CHN1: variants seen among roughly 807,000 people sequenced by gnomAD.
The protein encoded by CHN1 is chimerin 1.
A neutral mutation model predicts 59.5 loss-of-function variants in CHN1; 37 were observed. The ratio of observed to expected loss-of-function variants is 0.62; its 90% CI spans 0.48 to 0.82. The LOEUF (loss-of-function observed/expected upper bound fraction) is 0.82. CHN1 is among the 40% of genes least tolerant of loss of function. The probability of loss-of-function intolerance (pLI) is 0.00; values close to 1 mark genes in which losing one functional copy is unlikely to be tolerated. For synonymous variants in CHN1, 206 were observed against 200.4 expected, an observed-to-expected ratio of 1.03 and a Z score of -0.24; for missense variants, 469 against 571.0, an observed-to-expected ratio of 0.82 and a Z score of 1.82.
At chr2:174,847,779 A>C (rs1480966999) in intron 6 of CHN1, 1 of 363,584 alleles carries the variant, frequency 2.8e-6, no homozygotes. Flanking sequence ...AAGGCAAAAA[A>C]AAAAAAAAAA....
intron 1 of CHN1, among the ~76,000 whole-genome samples, chr2:174,985,048 A>C (rs1251245395): frequency 6.6e-6 from 1 of 152,140 alleles, no homozygotes; most frequent in Non-Finnish European, 1.5e-5. Flanking sequence ...TTATTCTATG[A>C]TATGTCTTTG....
chr2:174,812,021 G>A (rs1685093847), intron 9 of CHN1: 1 of 302,036 alleles, frequency 3.3e-6, no homozygotes. Context: ...TTTAAAAACT[G>A]AAAAATGAAT....
chr2:174,952,248 TA>T, intron 1 of CHN1, 46 bp from the exon 2 acceptor site: 1 of 1,102,792 alleles, frequency 9.1e-7, no homozygotes, highest in Admixed American at 3.6e-5. Flanking sequence ...ATTTAAATTT[TA>T]AATGAGACAT....
chr2:174,834,532 T>A (rs1000387205), intron 7 of CHN1, among the ~76,000 whole-genome samples: 1 of 152,232 alleles, frequency 6.6e-6, no homozygotes, highest in African/African-American at 2.4e-5. Flanking sequence ...TTGCTAAATA[T>A]AGGATTCAAG....
At chr2:174,832,288 T>C (rs1197837173) in intron 7 of CHN1, among the ~76,000 whole-genome samples, 1 of 151,958 alleles carries the variant, frequency 6.6e-6, no homozygotes, top group Non-Finnish European at 1.5e-5. Flanking sequence ...AAAAATTCTG[T>C]TTTTCTTCTT....
chr2:174,911,084 T>C (rs760406936), intron 5 of CHN1, among the ~76,000 whole-genome samples: 2 of 152,098 alleles, frequency 1.3e-5, no homozygotes, highest in Non-Finnish European at 2.9e-5. Flanking sequence ...ACTCAACGAA[T>C]GGGTCTAACA....
chr2:174,907,431 T>C (rs1012960121), intron 5 of CHN1, among the ~76,000 whole-genome samples: 1 of 152,206 alleles, frequency 6.6e-6, no homozygotes, highest in Non-Finnish European at 1.5e-5. Flanking sequence ...CAGAGGCCTC[T>C]ATGACTTTTC....
At chr2:174,817,429 ACT>A (rs1558936182) in intron 8 of CHN1, among the ~76,000 whole-genome samples, 2 of 151,306 alleles carry the variant, frequency 1.3e-5, no homozygotes. Flanking sequence ...TTTGGTATTG[ACT>A]TTTTTCCTTT....
chr2:174,934,247 T>C lies in CHN1; in HGVS notation c.114+10641A>G, dbSNP rs186370366. Reference sequence around the variant, plus strand: ...AGCTTGTTTTCTTGCAACTAGACAGTCTCATCTGGGGGTAATGGGAGACAG... The same window carrying C: ...AGCTTGTTTTCTTGCAACTAGACAGCCTCATCTGGGGGTAATGGGAGACAG... On this transcript the variant is annotated intron_variant, in intron 3 of 12. Transcript: ENST00000409900. Among the ~76,000 whole-genome samples, 42 of 152,316 alleles carry C rather than the reference T, an allele frequency of 2.8e-4. No individual in the cohort carries two copies. The East Asian group carries it at 7.7e-3, about 28-fold the overall frequency.
chr2:174,816,283 C>T (rs1288381734), intron 8 of CHN1, among the ~76,000 whole-genome samples: 1 of 152,160 alleles, frequency 6.6e-6, no homozygotes, highest in African/African-American at 2.4e-5. Context: ...CCAGTTTCTG[C>T]AAGGCAGGAA....
chr2:174,926,916 C>A (rs1689181791), intron 3 of CHN1, among the ~76,000 whole-genome samples: 1 of 152,090 alleles, frequency 6.6e-6, no homozygotes, highest in South Asian at 2.1e-4. Context: ...CGCCACCACG[C>A]CCAGCTAATT....
chr2:174,885,112 C>A (rs931694963), intron 5 of CHN1, among the ~76,000 whole-genome samples: 1 of 150,422 alleles, frequency 6.6e-6, no homozygotes, highest in Non-Finnish European at 1.5e-5. Flanking sequence ...ATGGTGAAAC[C>A]CCATCTCTAC....
intron 2 of CHN1, among the ~76,000 whole-genome samples, chr2:174,947,551 CAT>C (rs1156431785): frequency 4.7e-5 from 7 of 150,410 alleles, no homozygotes; most frequent in African/African-American, 1.7e-4. Flanking sequence ...GTGGCACACA[CAT>C]GACTCACTGC....
intron 6 of CHN1, among the ~76,000 whole-genome samples, chr2:174,856,180 T>TATA (rs891347633): frequency 5.3e-5 from 8 of 152,202 alleles, no homozygotes; most frequent in Non-Finnish European, 1.0e-4. Flanking sequence ...ATCAGAACTC[T>TATA]ATAAATTCCT....
At chr2:174,899,049 G>A (rs1688305996) in intron 5 of CHN1, among the ~76,000 whole-genome samples, 1 of 152,162 alleles carries the variant, frequency 6.6e-6, no homozygotes, top group African/African-American at 2.4e-5. Flanking sequence ...CTCCTTGGCT[G>A]TCAGTAGGAC....
chr2:174,841,199 T>C (rs1686288572), intron 7 of CHN1, among the ~76,000 whole-genome samples: 1 of 152,190 alleles, frequency 6.6e-6, no homozygotes, highest in Non-Finnish European at 1.5e-5. Context: ...ACCTTTCTGA[T>C]AACCTTAAGG....
At chr2:174,818,965 G>A (rs906775872) in intron 8 of CHN1, among the ~76,000 whole-genome samples, 1 of 152,000 alleles carries the variant, frequency 6.6e-6, no homozygotes, top group Non-Finnish European at 1.5e-5. Context: ...CTCTCTGAAT[G>A]TTCATATTTT....
chr2:174,937,419 G>A (rs1400379247), intron 3 of CHN1, among the ~76,000 whole-genome samples: 1 of 152,190 alleles, frequency 6.6e-6, no homozygotes, highest in Non-Finnish European at 1.5e-5. Flanking sequence ...ATCATTGTAA[G>A]TAAGCATAAT....
intron 5 of CHN1, among the ~76,000 whole-genome samples, chr2:174,905,260 A>C (rs1688511356): frequency 6.6e-6 from 1 of 152,190 alleles, no homozygotes; most frequent in African/African-American, 2.4e-5. Context: ...GCAGATACAC[A>C]CCTGAGATTC....
Sources: gnomAD v4.1 joint callset for allele counts (sites outside exome capture counted in the v4.1 genomes callset) on GRCh38, gnomAD v4.1.1 for gene constraint, MANE v1.5 for transcripts, NCBI Gene and HGNC (gene_info 2026-07-23, HGNC 2026-07-21) for gene names.